CPB2: variants seen among roughly 807,000 people sequenced by gnomAD.
CPB2 encodes the protein carboxypeptidase B2.
CPB2 carries 54 observed loss-of-function variants against 57.0 expected under a neutral mutation model. That is an observed-to-expected ratio of 0.95 (90% CI 0.76 to 1.19). The LOEUF is 1.19. CPB2 is among the 50% of genes most tolerant of loss of function. The probability of loss-of-function intolerance (pLI) is 0.00; values close to 1 mark genes in which losing one functional copy is unlikely to be tolerated. For synonymous variants in CPB2, 189 were observed against 178.1 expected, an observed-to-expected ratio of 1.06 and a Z score of -0.49; for missense variants, 426 against 512.0, an observed-to-expected ratio of 0.83 and a Z score of 1.62.
At chr13:46,083,836 A>G (rs902593509) in intron 3 of CPB2, among the ~76,000 whole-genome samples, 4 of 152,172 alleles carry the variant, frequency 2.6e-5, no homozygotes, top group African/African-American at 9.7e-5. Flanking sequence ...TGTCTTTGTG[A>G]AGAAGAATTA....
rs189476951 is a variant in CPB2, at chr13:46,078,566, A to G, written c.486+234T>C. 2.7e-4 allele frequency among the ~76,000 whole-genome samples: 41 copies of G among 152,314 alleles called. No individual in the cohort carries two copies. The East Asian group carries it at 6.0e-3, about 22-fold the overall frequency. The stretch of plus-strand genomic sequence containing the variant: ...AGGCCCTTAGGGTGGGTACTAATCC[A>G]GACTGACTGGTGTCCTTGTGGGAGG... On this transcript the variant is annotated intron_variant, in intron 5 of 10. Coordinates refer to ENST00000181383, the MANE Select transcript of CPB2 (RefSeq NM_001872.5).
intron 8 of CPB2, among the ~76,000 whole-genome samples, chr13:46,063,095 A>G (rs2044799380): frequency 1.3e-5 from 2 of 152,228 alleles, no homozygotes; most frequent in South Asian, 4.1e-4. Context: ...TGTTTCTGAA[A>G]TGTAGTACTA....
Position 46,053,696 on chromosome 13 carries a change from G to A in CPB2, c.1190C>T (p.Pro397Leu). ...ACAGGTGGGTTTGATGTAACGCTCC[G>A]GCAGCAAGAATCCGTATGTGCCCGT... ...RDTGTYGFLL[P>L]ERYIKPTCRE... Residue 397 changes from proline to leucine, a missense_variant, in exon 11 of 11, where the codon CCG becomes CTG. Coordinates refer to ENST00000181383, the MANE Select transcript of CPB2 (RefSeq NM_001872.5). 1 of 1,614,122 alleles carries A rather than the reference G, an allele frequency of 6.2e-7. No individual in the cohort carries two copies. Among genetic ancestry groups the A allele is most frequent in the Non-Finnish European group, 8.5e-7 (1 of 1,180,018 alleles).
rs753652121 is a variant in CPB2, at chr13:46,087,826, G to GA, written c.75-7dup. 1.9e-5 allele frequency: 30 copies of GA among 1,591,014 alleles called. No homozygotes were observed. Among genetic ancestry groups the GA allele is most frequent in the Non-Finnish European group, 2.6e-5 (30 of 1,164,832 alleles). ...GAGCAGCTAGAACTTGGCCACTGGG[G>GA]AAAAAAATAAAAGAGGATTTTGATA... is the stretch of plus-strand genomic sequence containing the variant. On this transcript the variant is annotated splice_polypyrimidine_tract_variant and splice_region_variant and intron_variant, in intron 1 of 10. Coordinates refer to ENST00000181383, the MANE Select transcript of CPB2 (RefSeq NM_001872.5).
At chr13:46,078,779 A>G in intron 5 of CPB2, 21 bp downstream of exon 5, 1 of 1,492,114 alleles carries the variant, frequency 6.7e-7, no homozygotes, top group Non-Finnish European at 9.3e-7. Flanking sequence ...TGAAAGATCA[A>G]CAACTTTCCC....
intron 7 of CPB2, among the ~76,000 whole-genome samples, chr13:46,065,104 G>C (rs112917173): frequency 1.3e-5 from 2 of 152,024 alleles, no homozygotes; most frequent in Admixed American, 6.6e-5. Context: ...GAGCTCCTTC[G>C]AAGAAAAGCA....
chr13:46,079,535 C>CAAA (rs58164990), intron 4 of CPB2, among the ~76,000 whole-genome samples: 173 of 110,610 alleles, frequency 1.6e-3, no homozygotes, highest in East Asian at 3.2e-3. Context: ...AAGGAAAAAG[C>CAAA]AAAAAAAAAA....
intron 3 of CPB2, 107 bp downstream of exon 3, chr13:46,084,112 C>T (rs2045161502): frequency 1.0e-5 from 14 of 1,345,030 alleles, no homozygotes; most frequent in Non-Finnish European, 1.4e-5. Context: ...TCTATGCTGC[C>T]ATGGTTAATA....
At chr13:46,091,593 A>C (rs1409342302) in intron 1 of CPB2, among the ~76,000 whole-genome samples, 5 of 152,244 alleles carry the variant, frequency 3.3e-5, no homozygotes, top group Admixed American at 3.3e-4. Flanking sequence ...TAAGATGAGC[A>C]TATGGGTTTT....
At chr13:46,086,630 G>A (rs1000769665) in intron 2 of CPB2, among the ~76,000 whole-genome samples, 2 of 152,232 alleles carry the variant, frequency 1.3e-5, no homozygotes, top group African/African-American at 4.8e-5. Flanking sequence ...TTCCCACTGC[G>A]GTCCACGGGA....
chr13:46,053,664 C>G lies in CPB2; in HGVS notation c.1222G>C (p.Ala408Pro). The G allele has an allele frequency of 6.2e-7, 1 of 1,614,150 alleles. No individual in the cohort carries two copies. Among genetic ancestry groups the G allele is most frequent in the Non-Finnish European group, 8.5e-7 (1 of 1,180,020 alleles). ...ERYIKPTCRE[A>P]FAAVSKIAWH... The stretch of plus-strand genomic sequence containing the variant: ...GCTATTTTAGAGACAGCGGCAAAAG[C>G]TTCTCTACAGGTGGGTTTGATGTAA... Residue 408 changes from alanine to proline, a missense_variant, in exon 11 of 11, where the codon GCT becomes CCT. By Grantham distance (27) the Ala-to-Pro change is conservative (BLOSUM62 -1). Transcript: ENST00000181383.
At chr13:46,084,186 A>G (rs771664722) in intron 3 of CPB2, 33 bp downstream of exon 3, 3 of 1,610,220 alleles carry the variant, frequency 1.9e-6, no homozygotes, top group South Asian at 1.1e-5. Context: ...AGTGTTTATA[A>G]TAACTACTCA....
At chr13:46,063,157 C>A (rs1237531633) in intron 8 of CPB2, among the ~76,000 whole-genome samples, 2 of 152,200 alleles carry the variant, frequency 1.3e-5, no homozygotes, top group East Asian at 1.9e-4. Context: ...ACACCTACCC[C>A]CCTAAAAGCA....
intron 1 of CPB2, among the ~76,000 whole-genome samples, chr13:46,091,346 A>G (rs562160599): frequency 7.2e-5 from 11 of 152,312 alleles, no homozygotes; most frequent in African/African-American, 2.4e-4. Flanking sequence ...ATGCTTATAG[A>G]GCCCCTTTTC....
intron 5 of CPB2, among the ~76,000 whole-genome samples, chr13:46,076,651 T>A (rs1241051393): frequency 6.6e-5 from 10 of 152,046 alleles, no homozygotes; most frequent in African/African-American, 2.2e-4. Context: ...TATGGAGCCA[T>A]AAGAGATCTT....
chr13:46,089,337 G>A (rs747842888), intron 1 of CPB2, among the ~76,000 whole-genome samples: 3 of 152,072 alleles, frequency 2.0e-5, no homozygotes, highest in Non-Finnish European at 4.4e-5. Flanking sequence ...CCAGCCTTCC[G>A]TGTGGTTGTG....
chr13:46,084,465 G>A, intron 2 of CPB2, 122 bp from the exon 3 acceptor site: 1 of 983,528 alleles, frequency 1.0e-6, no homozygotes, highest in East Asian at 2.6e-5. Context: ...CCCTGGTGCT[G>A]GTCCCCATCC....
chr13:46,090,061 C>A (rs1343030596), intron 1 of CPB2, among the ~76,000 whole-genome samples: 4 of 152,042 alleles, frequency 2.6e-5, no homozygotes, highest in Non-Finnish European at 5.9e-5. Flanking sequence ...TTTGTCTACC[C>A]TTGAGCCAAT....
Position 46,078,818 on chromosome 13 carries a change from G to A in CPB2, c.468C>T (p.Tyr156=). The A allele has an allele frequency of 6.2e-7, 1 of 1,605,686 alleles. No homozygotes were observed. The highest frequency in any genetic ancestry group is 8.5e-7 in the Non-Finnish European group (1 of 1,172,688). ...KIHIGSSFEK[Y]PLYVLKVSGK... is the part of the protein sequence containing the mutation. ...AACATACCTTTAAAACATAGAGTGG[G>A]TACTTCTCAAATGAGGATCCAATGT... The change falls in exon 5 of 11, where the codon TAC becomes TAT. Residue 156 remains tyrosine (Y), a synonymous_variant. Coordinates refer to ENST00000181383, the MANE Select transcript of CPB2 (RefSeq NM_001872.5).
Sources: gnomAD v4.1 joint callset for allele counts (sites outside exome capture counted in the v4.1 genomes callset) on GRCh38, gnomAD v4.1.1 for gene constraint, MANE v1.5 for transcripts, NCBI Gene and HGNC (gene_info 2026-07-23, HGNC 2026-07-21) for gene names.